Variants in DGKD observed in about 807,000 individuals in gnomAD.
DGKD encodes DAG kinase delta.
DGKD carries 68 observed loss-of-function variants against 154.4 expected under a neutral mutation model. The ratio of observed to expected loss-of-function variants is 0.44; its 90% CI spans 0.36 to 0.54. DGKD has a LOEUF of 0.54. Among genes scored for constraint, DGKD ranks in the 20% least tolerant of loss-of-function variants. DGKD has a pLI of 0.00. For synonymous variants in DGKD, 693 were observed against 638.0 expected, an observed-to-expected ratio of 1.09 and a Z score of -1.30; for missense variants, 1,343 against 1,593.6, an observed-to-expected ratio of 0.84 and a Z score of 2.68.
intron 3 of DGKD, among the ~76,000 whole-genome samples, chr2:233,416,377 C>T (rs72980338): frequency 0.087 from 13,188 of 152,224 alleles, 648 homozygotes; most frequent in South Asian, 0.14. Context: ...AGGGTGACAC[C>T]TGGCCCAGCC....
At chr2:233,411,160 C>T (rs912063930) in intron 3 of DGKD, among the ~76,000 whole-genome samples, 1 of 152,156 alleles carries the variant, frequency 6.6e-6, no homozygotes, top group Non-Finnish European at 1.5e-5. Flanking sequence ...CATTTGTATA[C>T]AAGTCTTTTG....
At position 233,467,113 on chromosome 2, in the gene DGKD, A is replaced by T; in HGVS notation, c.3334A>T (p.Ser1112Cys). The change falls in exon 28 of 30, where the codon AGT becomes TGT. Residue 1112 changes from serine to cysteine, a missense_variant. This residue lies in a region of DGKD where 429 missense variants were observed against 496.3 expected (regional missense o/e 0.86). Transcript: ENST00000264057. ...ESVMLDLAKR[S>C]RSGKFRLVTK... ...TGTGATGCTGGATCTTGCCAAGCGCAGTCGCAGTGGTAAATTCCGCCTCGT... is the reference window on the plus strand; with the variant it reads ...TGTGATGCTGGATCTTGCCAAGCGCTGTCGCAGTGGTAAATTCCGCCTCGT... 6.2e-7 allele frequency: 1 copy of T among 1,614,206 alleles called. No individual in the cohort carries two copies. Among genetic ancestry groups the T allele is most frequent in the Non-Finnish European group, 8.5e-7 (1 of 1,180,018 alleles).
chr2:233,409,559 A>G (rs1366964222), intron 3 of DGKD, among the ~76,000 whole-genome samples: 1 of 151,352 alleles, frequency 6.6e-6, no homozygotes, highest in Non-Finnish European at 1.5e-5. Flanking sequence ...CTAGGAAATC[A>G]TGTTAAAAAA....
intron 18 of DGKD, among the ~76,000 whole-genome samples, chr2:233,453,551 G>A (rs1193818325): frequency 6.6e-6 from 1 of 152,232 alleles, no homozygotes; most frequent in East Asian, 1.9e-4. Flanking sequence ...CAGATCTGGC[G>A]GCACTGGCTC....
In DGKD at chr2:233,462,720, T is replaced by G. The variant is rs1220238514; in HGVS notation, c.3171T>G (p.Ser1057=). ...GCAGTGAGACGGAGCTGCTGCTGTCTGGGAAGATGGCCCTGGTAAGCTGGT... is the reference window on the plus strand; with the variant it reads ...GCAGTGAGACGGAGCTGCTGCTGTCGGGGAAGATGGCCCTGGTAAGCTGGT... ...ALRSETELLL[S]GKMALQLDPP... The change falls in exon 26 of 30, where the codon TCT becomes TCG. Residue 1057 remains serine, a synonymous_variant. Coordinates refer to ENST00000264057, the MANE Select transcript of DGKD (RefSeq NM_152879.3). The G allele has an allele frequency of 6.2e-7, 1 of 1,613,820 alleles. No individual in the cohort carries two copies. Among genetic ancestry groups the G allele is most frequent in the East Asian group, 2.2e-5 (1 of 44,886 alleles).
chr2:233,400,910 T>A (rs2061544265), intron 3 of DGKD, among the ~76,000 whole-genome samples: 1 of 152,152 alleles, frequency 6.6e-6, no homozygotes, highest in African/African-American at 2.4e-5. Flanking sequence ...AGGGAAGTTT[T>A]ATGCTACGCG....
Position 233,388,085 on chromosome 2 carries a change from G to T in DGKD, c.157-172G>T, listed in dbSNP as rs1388688665. 7 of 1,416,774 alleles carry T rather than the reference G, an allele frequency of 4.9e-6. No individual in the cohort carries two copies. The South Asian group carries it at 7.5e-5, about 15-fold the overall frequency. 87.8% of individuals were successfully genotyped at this position (1,416,774 alleles called of 1,614,324 possible). A position where few individuals can be genotyped will look rare whatever the true frequency, so the allele number is the denominator to read the frequency against. On this transcript the variant is annotated intron_variant, in intron 1 of 29. Transcript: ENST00000264057. Reference sequence around the variant, plus strand: ...GGACAGGATTGGTGCAACCCCCCATGCCCCCGGCAGCGTGCTGGGCCTGTG... The same window carrying T: ...GGACAGGATTGGTGCAACCCCCCATTCCCCCGGCAGCGTGCTGGGCCTGTG...
At position 233,457,217 on chromosome 2, in the gene DGKD, T is replaced by G. The variant is rs767489813; in HGVS notation, c.2473-4T>G. On this transcript the variant is annotated splice_polypyrimidine_tract_variant and splice_region_variant and intron_variant, in intron 20 of 29. Transcript: ENST00000264057. This position sits in a 1 kb window ranked among gnomAD's most constrained non-coding sequence, Gnocchi z 5.5. ...TTCTTTTGTTCTGTGTCTCTGCTGC[T>G]CAGTGTGACGGGCGACCCATCCCAC... 1 of 1,514,730 alleles carries G rather than the reference T, an allele frequency of 6.6e-7. No homozygotes were observed. Among genetic ancestry groups the G allele is most frequent in the Non-Finnish European group, 8.8e-7 (1 of 1,130,278 alleles). 93.8% of individuals were successfully genotyped at this position (1,514,730 alleles called of 1,614,324 possible). A position where few individuals can be genotyped will look rare whatever the true frequency, so the allele number is the denominator to read the frequency against.
chr2:233,434,678 T>C, intron 4 of DGKD, 91 bp from the exon 5 acceptor site: 1 of 1,559,098 alleles, frequency 6.4e-7, no homozygotes, highest in Non-Finnish European at 8.7e-7. Flanking sequence ...CTCTCCTCTC[T>C]TGGATACTTT....
At chr2:233,384,547 A>G (rs939864727) in intron 1 of DGKD, among the ~76,000 whole-genome samples, 3 of 152,068 alleles carry the variant, frequency 2.0e-5, no homozygotes, top group African/African-American at 7.2e-5. Flanking sequence ...CAGCACATCC[A>G]GAATGAAACC....
intron 3 of DGKD, among the ~76,000 whole-genome samples, chr2:233,414,896 T>C (rs1478708103): frequency 1.3e-5 from 2 of 152,130 alleles, no homozygotes; most frequent in African/African-American, 4.8e-5. Flanking sequence ...GGGGCTGATT[T>C]GGCATCCTGA....
At chr2:233,465,363 G>T (rs1012802670) in intron 27 of DGKD, among the ~76,000 whole-genome samples, 1 of 152,158 alleles carries the variant, frequency 6.6e-6, no homozygotes, top group Non-Finnish European at 1.5e-5. Flanking sequence ...GGACATGGAC[G>T]GGGGGAGGAA....
At chr2:233,395,547 C>T (rs1306348609) in intron 3 of DGKD, among the ~76,000 whole-genome samples, 1 of 151,876 alleles carries the variant, frequency 6.6e-6, no homozygotes. Context: ...ATTTATAGTT[C>T]ACAGATTTTC....
At chr2:233,401,284 T>C (rs555757578) in intron 3 of DGKD, among the ~76,000 whole-genome samples, 1 of 152,350 alleles carries the variant, frequency 6.6e-6, no homozygotes, top group South Asian at 2.1e-4. Context: ...CTATTAACAC[T>C]GTGATTATAG....
intron 24 of DGKD, 24 bp downstream of exon 24, chr2:233,460,369 G>C (rs564357445): frequency 6.2e-7 from 1 of 1,612,492 alleles, no homozygotes. Context: ...CCTCTGCGTT[G>C]CGCATGAGCC....
At position 233,367,862 on chromosome 2, in the gene DGKD, T is replaced by TTC. The variant is rs1702113807; in HGVS notation, c.156+13189_156+13190insCT. Among the ~76,000 whole-genome samples the TTC allele has an allele frequency of 2.0e-5, 3 of 149,352 alleles. No individual in the cohort carries two copies. The South Asian group carries it at 6.4e-4, about 32-fold the overall frequency. On this transcript the variant is annotated intron_variant, in intron 1 of 29. Transcript: ENST00000264057. ...CCTCTTTTTTTTTTCTTTTTTTTTT[T>TTC]TTTTTTTTAATAGAAGTGGGATCTC...
chr2:233,422,637 C>T (rs2062157997), intron 3 of DGKD, among the ~76,000 whole-genome samples: 1 of 152,236 alleles, frequency 6.6e-6, no homozygotes, highest in Non-Finnish European at 1.5e-5. Context: ...ACACTTTTAA[C>T]TTGCGCTGCC....
At chr2:233,418,731 C>G (rs770851302) in intron 3 of DGKD, among the ~76,000 whole-genome samples, 2 of 152,180 alleles carry the variant, frequency 1.3e-5, no homozygotes, top group East Asian at 1.9e-4. Flanking sequence ...CTCCTTCCCC[C>G]CAAAGCTGCT....
In DGKD at chr2:233,367,004, A is replaced by G. The variant is rs546371563; in HGVS notation, c.156+12330A>G. 2.0e-5 allele frequency among the ~76,000 whole-genome samples: 3 copies of G among 152,118 alleles called. No homozygotes were observed. The East Asian group carries it at 5.8e-4, about 29-fold the overall frequency. Reference sequence around the variant, plus strand: ...TACCTGAAAAAACTTTTTAACATTTAATATCCAGATCATTTTCAAATTTCC... The same window carrying G: ...TACCTGAAAAAACTTTTTAACATTTGATATCCAGATCATTTTCAAATTTCC... On this transcript the variant is annotated intron_variant, in intron 1 of 29. Coordinates refer to ENST00000264057, the MANE Select transcript of DGKD (RefSeq NM_152879.3).
Sources: gnomAD v4.1 joint callset for allele counts (sites outside exome capture counted in the v4.1 genomes callset) on GRCh38, gnomAD v4.1.1 for gene constraint, gnomAD v4.1.1 regional missense constraint, Gnocchi (gnomAD v3.1) non-coding constraint, MANE v1.5 for transcripts, NCBI Gene and HGNC (gene_info 2026-07-23, HGNC 2026-07-21) for gene names.